Variants in NUP210 observed in about 807,000 individuals in gnomAD.
NUP210 encodes the protein nuclear pore membrane glycoprotein 210.
NUP210 carries 151 observed loss-of-function variants against 196.0 expected under a neutral mutation model. The observed-to-expected ratio is 0.77, with a 90% confidence interval of 0.67 to 0.88. The LOEUF is 0.88. NUP210 is among the 40% of genes least tolerant of loss of function. The pLI is 0.00. For synonymous variants in NUP210, 1,070 were observed against 1,052.7 expected (o/e 1.02, Z -0.32); for missense variants, 2,314 against 2,493.7 (o/e 0.93, Z 1.53).
In NUP210 at chr3:13,333,083, T is replaced by A. The variant is rs748635896; in HGVS notation, c.3844-699A>T. ...TGGCCATGTTCTTGCAGGATCCACATAGACACACACAGGGGCCTGGTGAGG... is the reference window on the plus strand; with the variant it reads ...TGGCCATGTTCTTGCAGGATCCACAAAGACACACACAGGGGCCTGGTGAGG... On this transcript the variant is annotated intron_variant, in intron 28 of 39. Transcript: ENST00000254508. Among the ~76,000 whole-genome samples, 393 of 152,266 alleles carry A rather than the reference T, an allele frequency of 2.6e-3. 1 individual carries two copies. Among genetic ancestry groups the A allele is most frequent in the Non-Finnish European group, 4.5e-3 (308 of 68,020 alleles).
Position 13,364,718 on chromosome 3 carries a change from C to G in NUP210, c.1932+1228G>C, listed in dbSNP as rs570917549. 5.3e-5 allele frequency among the ~76,000 whole-genome samples: 8 copies of G among 152,218 alleles called. No individual in the cohort carries two copies. In the South Asian group the frequency reaches 1.2e-3, roughly 24 times the overall value. On this transcript the variant is annotated intron_variant, in intron 14 of 39. Coordinates refer to ENST00000254508, the MANE Select transcript of NUP210 (RefSeq NM_024923.4). ...TGGTGCATGCCTGTAATCCCAGCTA[C>G]TCAGGAGGCCGAGGCAGGAGAATCG...
chr3:13,420,043 C>T lies in NUP210; in HGVS notation c.167+17G>A, dbSNP rs1355871613. ...GCCCGGCCCACGGCGCCCGCCCGGC[C>T]CGGCCGCGCGCCTCACCAGCGGTAG... is the stretch of plus-strand genomic sequence containing the variant. On this transcript the variant is annotated intron_variant, in intron 1 of 39. Coordinates refer to ENST00000254508, the MANE Select transcript of NUP210 (RefSeq NM_024923.4). This position sits in a 1 kb window ranked among gnomAD's most constrained non-coding sequence, Gnocchi z 4.8. 5.6e-6 allele frequency: 7 copies of T among 1,245,274 alleles called. No homozygotes were observed. Among genetic ancestry groups the T allele is most frequent in the Non-Finnish European group, 6.1e-6 (6 of 979,998 alleles). 77.1% of individuals were successfully genotyped at this position (1,245,274 alleles called of 1,614,324 possible). A position where few individuals can be genotyped will look rare whatever the true frequency, so the allele number is the denominator to read the frequency against.
chr3:13,334,252 G>T (rs1289632899), intron 28 of NUP210, among the ~76,000 whole-genome samples: 1 of 152,218 alleles, frequency 6.6e-6, no homozygotes, highest in Admixed American at 6.5e-5. Flanking sequence ...CCCAACTGAG[G>T]TTACAGAATT....
At chr3:13,370,065 T>C (rs930575948) in intron 13 of NUP210, among the ~76,000 whole-genome samples, 3 of 152,194 alleles carry the variant, frequency 2.0e-5, no homozygotes, top group Non-Finnish European at 4.4e-5. Flanking sequence ...GTGGGTATTA[T>C]AGGGACAGGT....
Position 13,336,795 on chromosome 3 carries a change from G to A in NUP210, c.3676C>T (p.His1226Tyr). Residue 1226 changes from histidine (H) to tyrosine (Y), a missense_variant, in exon 27 of 40, where the codon CAC becomes TAC. Physicochemically the swap from His to Tyr is moderately conservative, Grantham distance 83. Coordinates refer to ENST00000254508, the MANE Select transcript of NUP210 (RefSeq NM_024923.4). Reference sequence around the variant, plus strand: ...AGGGGGTGGTTACCTACCTCGTGGTGCCGCCCTCGGAGGTCCAGGACGTCC... The same window carrying A: ...AGGGGGTGGTTACCTACCTCGTGGTACCGCCCTCGGAGGTCCAGGACGTCC... ...KRDVLDLRGR[H>Y]HEASIRLPSQ... 6.2e-7 allele frequency: 1 copy of A among 1,613,140 alleles called. No homozygotes were observed. The highest frequency in any genetic ancestry group is 8.5e-7 in the Non-Finnish European group (1 of 1,179,552).
intron 1 of NUP210, among the ~76,000 whole-genome samples, chr3:13,410,641 G>A (rs925081666): frequency 1.3e-5 from 2 of 151,126 alleles, no homozygotes; most frequent in Admixed American, 6.6e-5. Context: ...AAAAAGGCCG[G>A]GCACGGTGGC....
chr3:13,386,492 A>G, intron 5 of NUP210, 85 bp from the exon 6 acceptor site: 1 of 1,514,776 alleles, frequency 6.6e-7, no homozygotes, highest in Non-Finnish European at 9.0e-7. Flanking sequence ...GAGATGTTTT[A>G]AACATGGGAA....
chr3:13,384,136 T>C (rs558900905), intron 6 of NUP210, among the ~76,000 whole-genome samples: 9 of 152,120 alleles, frequency 5.9e-5, no homozygotes, highest in South Asian at 4.2e-4. Flanking sequence ...CCAATTTTTG[T>C]ATTTTTAGTA....
intron 2 of NUP210, among the ~76,000 whole-genome samples, chr3:13,397,908 T>C (rs1039516450): frequency 1.3e-5 from 2 of 152,190 alleles, no homozygotes; most frequent in Non-Finnish European, 2.9e-5. Flanking sequence ...GGTGTTTTTA[T>C]AAAAGACTAT....
chr3:13,358,202 C>A lies in NUP210; in HGVS notation c.2328+20G>T. On this transcript the variant is annotated intron_variant, in intron 16 of 39. Transcript: ENST00000254508. ...AGCGGGTGGCACCCTCACCTCCTCC[C>A]GAGCATAGCCCACACTCACCACCTG... 1.9e-6 allele frequency: 3 copies of A among 1,579,660 alleles called. No homozygotes were observed. Among genetic ancestry groups the A allele is most frequent in the Non-Finnish European group, 2.6e-6 (3 of 1,157,268 alleles).
chr3:13,337,390 G>A (rs902774265), intron 26 of NUP210, among the ~76,000 whole-genome samples: 7 of 152,204 alleles, frequency 4.6e-5, no homozygotes, highest in Non-Finnish European at 7.3e-5. Context: ...CAGGTGTTGT[G>A]CCAGGCTGCC....
chr3:13,387,289 G>T (rs1270621571), intron 5 of NUP210, among the ~76,000 whole-genome samples: 1 of 152,206 alleles, frequency 6.6e-6, no homozygotes, highest in Non-Finnish European at 1.5e-5. Context: ...AGTGTATTGG[G>T]CACCACCATG....
chr3:13,357,778 C>G (rs1343873157), intron 16 of NUP210, among the ~76,000 whole-genome samples: 1 of 152,180 alleles, frequency 6.6e-6, no homozygotes, highest in East Asian at 1.9e-4. Flanking sequence ...GAAACACAAC[C>G]CCACGTCACC....
chr3:13,397,582 A>G, intron 2 of NUP210, 94 bp from the exon 3 acceptor site: 1 of 1,348,992 alleles, frequency 7.4e-7, no homozygotes, highest in Non-Finnish European at 9.7e-7. Context: ...GGCAAAGACC[A>G]CGGCAACCAC....
intron 16 of NUP210, 53 bp downstream of exon 16, chr3:13,358,169 C>A: frequency 6.5e-7 from 1 of 1,533,142 alleles, no homozygotes; most frequent in Non-Finnish European, 8.9e-7. Flanking sequence ...CCAATGTCCT[C>A]CTGCCCAAGC....
At chr3:13,382,021 GCC>G (rs1699119094) in intron 6 of NUP210, among the ~76,000 whole-genome samples, 2 of 152,162 alleles carry the variant, frequency 1.3e-5, no homozygotes, top group Non-Finnish European at 2.9e-5. Flanking sequence ...TTAAGTGCCT[GCC>G]AGATTCAAAG....
chr3:13,404,879 C>T (rs1699955477), intron 1 of NUP210, among the ~76,000 whole-genome samples: 1 of 152,060 alleles, frequency 6.6e-6, no homozygotes, highest in African/African-American at 2.4e-5. Context: ...ATTACATCTA[C>T]ATGGAGGGAG....
At chr3:13,383,516 CTTTTTTTTT>C (rs3032854) in intron 6 of NUP210, among the ~76,000 whole-genome samples, 3 of 70,940 alleles carry the variant, frequency 4.2e-5, no homozygotes, top group African/African-American at 1.8e-4. Context: ...AGAGTGAGCT[CTTTTTTTTT>C]TTTTTTTTTT....
intron 3 of NUP210, among the ~76,000 whole-genome samples, chr3:13,392,811 A>G (rs1699533696): frequency 6.6e-6 from 1 of 152,124 alleles, no homozygotes; most frequent in Non-Finnish European, 1.5e-5. Flanking sequence ...TTGGCTTAGC[A>G]GTGTGCTCAG....
Sources: gnomAD v4.1 joint callset for allele counts (sites outside exome capture counted in the v4.1 genomes callset) on GRCh38, gnomAD v4.1.1 for gene constraint, Gnocchi (gnomAD v3.1) non-coding constraint, MANE v1.5 for transcripts, NCBI Gene and HGNC (gene_info 2026-07-23, HGNC 2026-07-21) for gene names.